The following KAZN variants were observed in gnomAD, a reference collection of about 807,000 sequenced individuals.
KAZN encodes kazrin, periplakin interacting protein.
A neutral mutation model predicts 87.4 loss-of-function variants in KAZN; 40 were observed. That is an observed-to-expected ratio of 0.46 (90% CI 0.36 to 0.60). The LOEUF is 0.60. KAZN is among the 20% of genes least tolerant of loss of function. The pLI, the probability that KAZN is intolerant of heterozygous loss-of-function variation, is 0.00. For missense variants in KAZN, 898 were observed against 1,073.9 expected (o/e 0.84, Z 2.29); for synonymous variants, 466 against 458.3 (o/e 1.02, Z -0.22).
At chr1:14,602,019 C>CT (rs1677020152) in intron 1 of KAZN, among the ~76,000 whole-genome samples, 1 of 152,024 alleles carries the variant, frequency 6.6e-6, no homozygotes, top group South Asian at 2.1e-4. Flanking sequence ...TTTTTAAATT[C>CT]TTTTTTTAAA....
Position 14,733,557 on chromosome 1 carries a change from G to A in KAZN, c.226+134334G>A, listed in dbSNP as rs920557213. Among the ~76,000 whole-genome samples the A allele has an allele frequency of 3.9e-5, 6 of 152,168 alleles. No homozygotes were observed. In the East Asian group the frequency reaches 9.7e-4, roughly 25 times the overall value. On this transcript the variant is annotated intron_variant, in intron 1 of 14. Coordinates refer to ENST00000376030, the MANE Select transcript of KAZN (RefSeq NM_201628.3). ...CAGAGATGCTTCCTGGGAGGTGTCC[G>A]GATGACCTCTCTTTCGGGGAGTGGG... is the stretch of plus-strand genomic sequence containing the variant.
intron 2 of KAZN, among the ~76,000 whole-genome samples, chr1:15,029,846 A>G (rs1016671553): frequency 5.3e-5 from 8 of 152,204 alleles, no homozygotes; most frequent in Admixed American, 5.2e-4. Flanking sequence ...CAGGGAGCCC[A>G]TGCGACCTGC....
chr1:14,154,796 T>C (rs939803694), intron 1 of KAZN, among the ~76,000 whole-genome samples: 28 of 152,212 alleles, frequency 1.8e-4, no homozygotes, highest in Admixed American at 3.3e-4. Flanking sequence ...TGCATCATAT[T>C]GATTAATTTG....
rs1047932758 is a variant in KAZN at position 14,552,020 on chromosome 1, C to A, written c.250-46963C>A. On this transcript the variant is annotated intron_variant, in intron 2 of 16. Coordinates refer to the KAZN transcript ENST00000636203. The stretch of plus-strand genomic sequence containing the variant: ...TCCTTTCTTTCTTTTTTTCTTAATG[C>A]TATCAATATGTCTGAGTGCCCTTGA... Among the ~76,000 whole-genome samples the A allele has an allele frequency of 3.3e-5, 5 of 151,844 alleles. No homozygotes were observed. The South Asian group carries it at 1.0e-3, about 32-fold the overall frequency.
chr1:14,406,457 G>A lies in KAZN; in HGVS notation c.250-192526G>A, dbSNP rs113253605. Among the ~76,000 whole-genome samples, 765 of 152,034 alleles carry A rather than the reference G, an allele frequency of 5.0e-3. 4 individuals carry two copies. The highest frequency in any genetic ancestry group is 7.9e-3 in the Non-Finnish European group (540 of 67,976). ...ACCCAGGAATGGAAACCCAAACATC[G>A]AATGTTCTCACTTATAAGTGGGAGC... On this transcript the variant is annotated intron_variant, in intron 2 of 16. Coordinates refer to the KAZN transcript ENST00000636203.
At chr1:14,299,257 C>A (rs930552164) in intron 2 of KAZN, among the ~76,000 whole-genome samples, 1 of 152,158 alleles carries the variant, frequency 6.6e-6, no homozygotes, top group Non-Finnish European at 1.5e-5. Context: ...AATCCCAGCC[C>A]TTTGGGAGGC....
At chr1:14,347,607 C>T (rs1005391912) in intron 2 of KAZN, among the ~76,000 whole-genome samples, 2 of 152,140 alleles carry the variant, frequency 1.3e-5, no homozygotes, top group African/African-American at 4.8e-5. Context: ...ACCCTGGCTG[C>T]TTCTGCAGTT....
At chr1:15,034,494 C>G (rs928282618) in intron 2 of KAZN, among the ~76,000 whole-genome samples, 1 of 147,304 alleles carries the variant, frequency 6.8e-6, no homozygotes, top group Non-Finnish European at 1.5e-5. Flanking sequence ...AAAGCAGTTT[C>G]GACAACGACT....
rs548351479 is a variant in KAZN at position 13,894,526 on chromosome 1, C to T, written c.91+770C>T. Among the ~76,000 whole-genome samples, 13 of 152,218 alleles carry T rather than the reference C, an allele frequency of 8.5e-5. No individual in the cohort carries two copies. In the South Asian group the frequency reaches 2.1e-3, roughly 24 times the overall value. ...CACACGAAATAGGATGCCTGTTTCT[C>T]GACTTTTTTGGCGTTAATTCTCACT... is the stretch of plus-strand genomic sequence containing the variant. On this transcript the variant is annotated intron_variant, in intron 1 of 16. Transcript: ENST00000636203.
intron 2 of KAZN, among the ~76,000 whole-genome samples, chr1:14,549,806 C>T (rs1353429428): frequency 1.3e-5 from 2 of 152,052 alleles, no homozygotes; most frequent in African/African-American, 4.8e-5. Context: ...CACTAAAAAC[C>T]ATGCCTCTTG....
intron 1 of KAZN, among the ~76,000 whole-genome samples, chr1:14,105,028 A>G (rs1024734153): frequency 6.6e-5 from 10 of 151,698 alleles, no homozygotes; most frequent in Non-Finnish European, 8.8e-5. Flanking sequence ...TCTTGTTGGA[A>G]CTCTCATAAG....
chr1:15,068,628 T>G (rs1233098227), intron 8 of KAZN, among the ~76,000 whole-genome samples: 1 of 151,850 alleles, frequency 6.6e-6, no homozygotes, highest in Non-Finnish European at 1.5e-5. Flanking sequence ...GCCACAGGCT[T>G]CCTTGATTGA....
At chr1:14,004,511 A>G (rs769432477) in intron 1 of KAZN, among the ~76,000 whole-genome samples, 11 of 152,338 alleles carry the variant, frequency 7.2e-5, no homozygotes, top group Middle Eastern at 3.4e-3. Flanking sequence ...ATGAATAAAT[A>G]TAAATCATGA....
chr1:14,716,260 T>A (rs573308304), intron 1 of KAZN, among the ~76,000 whole-genome samples: 1 of 152,226 alleles, frequency 6.6e-6, no homozygotes, highest in African/African-American at 2.4e-5. Context: ...GTGTAGGTCA[T>A]GATTATTTCA....
At chr1:14,182,680 A>G (rs1646222899) in intron 2 of KAZN, among the ~76,000 whole-genome samples, 1 of 152,084 alleles carries the variant, frequency 6.6e-6, no homozygotes, top group African/African-American at 2.4e-5. Context: ...TAGACACGTA[A>G]AAATATGTCA....
chr1:13,939,952 C>G (rs1384397422), intron 1 of KAZN, among the ~76,000 whole-genome samples: 4 of 152,136 alleles, frequency 2.6e-5, no homozygotes, highest in African/African-American at 9.7e-5. Context: ...GAGGATGGTG[C>G]TATACCAATC....
At position 15,056,879 on chromosome 1, in the gene KAZN, C is replaced by T. The variant is rs570707253; in HGVS notation, c.916+599C>T. Among the ~76,000 whole-genome samples, 18 of 152,376 alleles carry T rather than the reference C, an allele frequency of 1.2e-4. No homozygotes were observed. Among genetic ancestry groups the T allele is most frequent in the African/African-American group, 3.4e-4 (14 of 41,582 alleles). On this transcript the variant is annotated intron_variant, in intron 5 of 14. Coordinates refer to ENST00000376030, the MANE Select transcript of KAZN (RefSeq NM_201628.3). The surrounding 1 kb of genome is among the most constrained non-coding windows in gnomAD (Gnocchi z 5.4). ...CCCATGGAACAGGCTCCAAACTTCTCGCTGTCCTGTTGCACGTCTGCAGGC... is the reference window on the plus strand; with the variant it reads ...CCCATGGAACAGGCTCCAAACTTCTTGCTGTCCTGTTGCACGTCTGCAGGC...
At chr1:14,405,385 CATTG>C (rs1571543925) in intron 2 of KAZN, among the ~76,000 whole-genome samples, 1 of 152,098 alleles carries the variant, frequency 6.6e-6, no homozygotes, top group East Asian at 1.9e-4. Flanking sequence ...AAAGCCTGTA[CATTG>C]ATTATAAAGT....
At chr1:14,646,605 C>A (rs904286688) in intron 1 of KAZN, among the ~76,000 whole-genome samples, 1 of 152,066 alleles carries the variant, frequency 6.6e-6, no homozygotes, top group Non-Finnish European at 1.5e-5. Flanking sequence ...GTGGGGCTGT[C>A]CTATGCCTTG....
Sources: allele counts gnomAD v4.1 joint callset (sites outside exome capture counted in the v4.1 genomes callset), GRCh38; gene constraint gnomAD v4.1.1; non-coding constraint Gnocchi (gnomAD v3.1); transcripts MANE v1.5; gene names NCBI Gene and HGNC (gene_info 2026-07-23, HGNC 2026-07-21).